GRIP1: variants seen among roughly 807,000 people sequenced by gnomAD.
The protein encoded by GRIP1 is glutamate receptor interacting protein 1.
In GRIP1, 45 loss-of-function variants were observed where a neutral mutation model predicts 129.9. That is an observed-to-expected ratio of 0.35 (90% CI 0.27 to 0.44). The LOEUF is 0.44. GRIP1 is among the 20% of genes least tolerant of loss of function. GRIP1 has a pLI of 1.00. For missense variants in GRIP1, 1,196 were observed against 1,396.8 expected (o/e 0.86, Z 2.29); for synonymous variants, 530 against 520.8 (o/e 1.02, Z -0.24).
intron 23 of GRIP1, among the ~76,000 whole-genome samples, chr12:66,360,179 A>AT (rs762881398): frequency 0.071 from 8,569 of 120,014 alleles, 563 homozygotes; most frequent in African/African-American, 0.18. Context: ...CCAAATCATG[A>AT]TTTTTTTTTT....
intron 1 of GRIP1, among the ~76,000 whole-genome samples, chr12:66,918,421 C>T (rs2041162132): frequency 6.6e-6 from 1 of 152,128 alleles, no homozygotes; most frequent in Non-Finnish European, 1.5e-5. Context: ...TTAACTTCAT[C>T]CAAAACACCC....
At chr12:66,868,255 G>A (rs962929360) in intron 1 of GRIP1, among the ~76,000 whole-genome samples, 1 of 152,088 alleles carries the variant, frequency 6.6e-6, no homozygotes, top group Non-Finnish European at 1.5e-5. Flanking sequence ...GGGAAAATTT[G>A]TACTGGCAAA....
At chr12:66,911,367 T>A (rs2041026237) in intron 1 of GRIP1, among the ~76,000 whole-genome samples, 1 of 152,228 alleles carries the variant, frequency 6.6e-6, no homozygotes, top group South Asian at 2.1e-4. Context: ...TCTAGTTTTA[T>A]TGCAAAGTAT....
chr12:66,504,057 T>C (rs1365648041), intron 7 of GRIP1, among the ~76,000 whole-genome samples: 2 of 152,134 alleles, frequency 1.3e-5, no homozygotes, highest in African/African-American at 2.4e-5. Flanking sequence ...AAGGCTGTAC[T>C]GTCAGGGAAA....
At chr12:66,880,676 A>G (rs892504089) in intron 1 of GRIP1, among the ~76,000 whole-genome samples, 1 of 152,178 alleles carries the variant, frequency 6.6e-6, no homozygotes, top group Admixed American at 6.5e-5. Context: ...GCAAAGGCAC[A>G]GGAGGAAAAC....
At chr12:66,507,594 G>A (rs1031249642) in intron 7 of GRIP1, among the ~76,000 whole-genome samples, 9 of 152,062 alleles carry the variant, frequency 5.9e-5, no homozygotes, top group African/African-American at 2.2e-4. Flanking sequence ...TATAGTTTTT[G>A]ACTGCAAGGG....
intron 1 of GRIP1, among the ~76,000 whole-genome samples, chr12:66,752,202 ACAC>A (rs767211442): frequency 0.037 from 5,575 of 152,284 alleles, 239 homozygotes; most frequent in African/African-American, 0.1. Context: ...TCCATTTAAG[ACAC>A]AGTGGAGGCT....
At chr12:66,965,439 T>C (rs2041982129) in intron 1 of GRIP1, among the ~76,000 whole-genome samples, 1 of 152,014 alleles carries the variant, frequency 6.6e-6, no homozygotes, top group African/African-American at 2.4e-5. Context: ...ACCTTCAATA[T>C]GGTAGATCTT....
chr12:66,695,434 G>T (rs1214433577), intron 1 of GRIP1, among the ~76,000 whole-genome samples: 1 of 152,116 alleles, frequency 6.6e-6, no homozygotes, highest in Non-Finnish European at 1.5e-5. Flanking sequence ...TGGGCCACAC[G>T]AGAGGAGGAG....
At chr12:66,698,922 C>T (rs1245774484) in intron 1 of GRIP1, among the ~76,000 whole-genome samples, 3 of 152,120 alleles carry the variant, frequency 2.0e-5, no homozygotes, top group African/African-American at 7.2e-5. Context: ...AAAACAGCAG[C>T]CTCTACCCTT....
At chr12:67,006,744 A>G (rs1342436473) in intron 1 of GRIP1, among the ~76,000 whole-genome samples, 2 of 152,236 alleles carry the variant, frequency 1.3e-5, no homozygotes, top group African/African-American at 2.4e-5. Context: ...GGCCCAAGGC[A>G]GAGAGAAGCA....
chr12:66,606,430 C>G (rs1018801073), intron 1 of GRIP1, among the ~76,000 whole-genome samples: 13 of 152,228 alleles, frequency 8.5e-5, no homozygotes, highest in Middle Eastern at 3.4e-3. Flanking sequence ...TCTTAGAGAT[C>G]TGTTATTTCA....
chr12:66,710,498 A>T (rs544745965), intron 1 of GRIP1, among the ~76,000 whole-genome samples: 13 of 152,058 alleles, frequency 8.5e-5, no homozygotes, highest in Non-Finnish European at 1.5e-4. Flanking sequence ...AAATATTTGA[A>T]TCTGGTATTT....
chr12:67,063,540 G>T (rs1311381501), intron 1 of GRIP1, among the ~76,000 whole-genome samples: 3 of 152,096 alleles, frequency 2.0e-5, no homozygotes, highest in African/African-American at 7.2e-5. Context: ...TAAAACAAGA[G>T]ATTCAAACCC....
chr12:66,581,324 C>G (rs1243285941), intron 2 of GRIP1, among the ~76,000 whole-genome samples: 1 of 151,128 alleles, frequency 6.6e-6, no homozygotes, highest in Non-Finnish European at 1.5e-5. Flanking sequence ...AATTGACACC[C>G]TAACATCACA....
At chr12:66,656,089 CA>C (rs1279392826) in intron 1 of GRIP1, among the ~76,000 whole-genome samples, 1 of 152,006 alleles carries the variant, frequency 6.6e-6, no homozygotes, top group African/African-American at 2.4e-5. Context: ...TCCAGGCATC[CA>C]ATAGACTCTG....
intron 1 of GRIP1, among the ~76,000 whole-genome samples, chr12:66,644,456 C>T (rs951392146): frequency 5.3e-5 from 8 of 152,060 alleles, no homozygotes; most frequent in African/African-American, 1.9e-4. Context: ...TCTGTGGATT[C>T]AAAAGAAAAA....
At chr12:66,924,064 C>T (rs1339589837) in intron 1 of GRIP1, among the ~76,000 whole-genome samples, 2 of 152,020 alleles carry the variant, frequency 1.3e-5, no homozygotes, top group East Asian at 1.9e-4. Flanking sequence ...AGGCTGGTCT[C>T]GGACTCCTGG....
chr12:66,638,172 G>C (rs2031582943), intron 1 of GRIP1, among the ~76,000 whole-genome samples: 2 of 152,170 alleles, frequency 1.3e-5, no homozygotes, highest in South Asian at 4.1e-4. Context: ...GGGTGAGAGC[G>C]ATGGCAAGTT....
Sources: gnomAD v4.1 joint callset for allele counts (sites outside exome capture counted in the v4.1 genomes callset) on GRCh38, gnomAD v4.1.1 for gene constraint, MANE v1.5 for transcripts, NCBI Gene and HGNC (gene_info 2026-07-23, HGNC 2026-07-21) for gene names.